The following STARD13 variants were observed in gnomAD, a reference collection of about 807,000 sequenced individuals.
STARD13 encodes the protein StAR related lipid transfer domain containing 13.
A neutral mutation model predicts 106.4 loss-of-function variants in STARD13; 62 were observed. The observed-to-expected ratio is 0.58, with a 90% CI of 0.48 to 0.72. STARD13 has a LOEUF of 0.72. Ranked by LOEUF, STARD13 falls within the 30% of genes least tolerant of loss-of-function variation. The pLI is 0.00. For synonymous variants in STARD13, 565 were observed against 553.0 expected (o/e 1.02, Z -0.31); for missense variants, 1,387 against 1,424.0 (o/e 0.97, Z 0.42).
At chr13:33,109,056 T>C (rs1874153239) in intron 12 of STARD13, among the ~76,000 whole-genome samples, 2 of 152,220 alleles carry the variant, frequency 1.3e-5, no homozygotes, top group African/African-American at 4.8e-5. Context: ...AAAACTGGTT[T>C]CATAAAGAAA....
chr13:33,392,833 C>G, the STARD13 span, among the ~76,000 whole-genome samples: 1 of 152,224 alleles, frequency 6.6e-6, no homozygotes, highest in Non-Finnish European at 1.5e-5. Flanking sequence ...GTCTAATTCT[C>G]TAAGCCTCAT....
At chr13:33,166,291 A>G (rs955930989) in intron 2 of STARD13, among the ~76,000 whole-genome samples, 2 of 152,144 alleles carry the variant, frequency 1.3e-5, no homozygotes, top group African/African-American at 2.4e-5. Flanking sequence ...TTGCTCGGCT[A>G]GTGAGGGAGG....
At chr13:33,624,131 A>C in the STARD13 span, among the ~76,000 whole-genome samples, 251 of 152,386 alleles carry the variant, frequency 1.6e-3, no homozygotes, top group Middle Eastern at 6.8e-3. Flanking sequence ...ACGCCTACAA[A>C]AAGGCTTATT....
At chr13:33,519,260 CTT>C in the STARD13 span, among the ~76,000 whole-genome samples, 1 of 146,466 alleles carries the variant, frequency 6.8e-6, no homozygotes, top group African/African-American at 2.6e-5. Flanking sequence ...TTCTTTCTTT[CTT>C]TCTTTCTTTC....
At chr13:33,219,745 G>A (rs1217291848) in intron 1 of STARD13, among the ~76,000 whole-genome samples, 2 of 145,766 alleles carry the variant, frequency 1.4e-5, no homozygotes, top group Non-Finnish European at 3.0e-5. Context: ...CAAGGTTGCA[G>A]TGAGCTATGA....
the STARD13 span, among the ~76,000 whole-genome samples, chr13:33,674,899 C>T: frequency 1.3e-5 from 2 of 152,090 alleles, no homozygotes; most frequent in East Asian, 1.9e-4. Context: ...AAATATTTAT[C>T]CTCACATACA....
chr13:33,447,443 G>A, the STARD13 span, among the ~76,000 whole-genome samples: 1 of 152,054 alleles, frequency 6.6e-6, no homozygotes, highest in African/African-American at 2.4e-5. Context: ...TTTCCTACTT[G>A]CTCAGACTTT....
the STARD13 span, among the ~76,000 whole-genome samples, chr13:33,390,991 T>G: frequency 2.6e-5 from 4 of 152,180 alleles, no homozygotes; most frequent in Non-Finnish European, 4.4e-5. Flanking sequence ...TGGTAACAAT[T>G]CAGCTGGTTG....
the STARD13 span, among the ~76,000 whole-genome samples, chr13:33,437,087 CA>C: frequency 6.6e-6 from 1 of 152,128 alleles, no homozygotes; most frequent in Non-Finnish European, 1.5e-5. Flanking sequence ...AATTAAAAGG[CA>C]GAAATGAAAT....
chr13:33,451,470 A>C, the STARD13 span, among the ~76,000 whole-genome samples: 1 of 152,172 alleles, frequency 6.6e-6, no homozygotes, highest in East Asian at 1.9e-4. Flanking sequence ...TGTATACAGA[A>C]AGGGTGTCTT....
intron 1 of STARD13, among the ~76,000 whole-genome samples, chr13:33,257,341 G>A (rs993710992): frequency 6.6e-6 from 1 of 152,176 alleles, no homozygotes; most frequent in Non-Finnish European, 1.5e-5. Context: ...TACCAGTGAG[G>A]TCAAGGCAAG....
chr13:33,666,610 A>G, the STARD13 span, among the ~76,000 whole-genome samples: 1 of 151,524 alleles, frequency 6.6e-6, no homozygotes, highest in African/African-American at 2.4e-5. Context: ...ATTTTTTAAG[A>G]CAGAGTCACG....
intron 1 of STARD13, among the ~76,000 whole-genome samples, chr13:33,172,341 G>A (rs1048047685): frequency 2.0e-5 from 3 of 152,232 alleles, no homozygotes; most frequent in Middle Eastern, 3.4e-3. Flanking sequence ...ATAACATCAA[G>A]GTAGCCAAGA....
In STARD13 at chr13:33,331,526, A is replaced by ATTTTTTTTTT. The variant is rs35827468; in HGVS notation, c.124+18754_124+18763dup. Among the ~76,000 whole-genome samples the ATTTTTTTTTT allele has an allele frequency of 1.1e-4, 14 of 130,804 alleles. 1 individual carries two copies. The highest frequency in any genetic ancestry group is 3.1e-4 in the Admixed American group (4 of 12,798). The allele number at this position is 130,804 out of a possible 152,430, so 85.8% of individuals were successfully genotyped here. On this transcript the variant is annotated intron_variant, in intron 1 of 5. Transcript: ENST00000567873. ...CGCCACCATGCCTGGCTGATTTTGTATTTTTTTTTTTTTTTTTTTAGTAGA... is the reference window on the plus strand; with the variant it reads ...CGCCACCATGCCTGGCTGATTTTGTATTTTTTTTTTTTTTTTTTTTTTTTTTTTTAGTAGA...
At chr13:33,625,568 A>AAAATAAAT in the STARD13 span, among the ~76,000 whole-genome samples, 1 of 151,646 alleles carries the variant, frequency 6.6e-6, no homozygotes, top group African/African-American at 2.4e-5. Flanking sequence ...GACTGTCTCA[A>AAAATAAAT]AAATAAATAA....
intron 13 of STARD13, among the ~76,000 whole-genome samples, chr13:33,106,280 G>C (rs772370995): frequency 7.2e-5 from 11 of 152,322 alleles, no homozygotes; most frequent in Non-Finnish European, 1.3e-4. Context: ...AATTAGCTGA[G>C]TGTGGTGGTG....
At chr13:33,118,987 T>C (rs1875833934) in intron 7 of STARD13, among the ~76,000 whole-genome samples, 1 of 152,192 alleles carries the variant, frequency 6.6e-6, no homozygotes, top group South Asian at 2.1e-4. Context: ...TGTCATATCA[T>C]GCCTTTTTCA....
the STARD13 span, among the ~76,000 whole-genome samples, chr13:33,507,649 T>C: frequency 1.3e-5 from 2 of 152,182 alleles, no homozygotes; most frequent in Non-Finnish European, 2.9e-5. Context: ...AATCCAAGCA[T>C]AACTTGTGAG....
the STARD13 span, chr13:33,654,616 G>A: frequency 6.6e-6 from 1 of 152,158 alleles, no homozygotes; most frequent in African/African-American, 2.4e-5. Flanking sequence ...GAATTTTATA[G>A]AATGTGAATC....
Sources: allele counts gnomAD v4.1 joint callset (sites outside exome capture counted in the v4.1 genomes callset), GRCh38; gene constraint gnomAD v4.1.1; transcripts MANE v1.5; gene names NCBI Gene and HGNC (gene_info 2026-07-23, HGNC 2026-07-21).